SEC63: variants seen among roughly 807,000 people sequenced by gnomAD.
SEC63 encodes SEC63 protein translocation regulator, also known as translocation protein SEC63 homolog.
Under a neutral mutation model 116.2 loss-of-function variants are expected in SEC63, and 56 were observed. The observed-to-expected ratio is 0.48, with a 90% confidence interval of 0.39 to 0.60. SEC63 has a LOEUF of 0.60. SEC63 is among the 20% of genes least tolerant of loss of function. The pLI is 0.00. For synonymous variants in SEC63, 273 were observed against 294.6 expected (o/e 0.93, Z 0.75); for missense variants, 668 against 900.0 (o/e 0.74, Z 3.30).
In SEC63 at chr6:107,876,051, A is replaced by C. The variant is rs188940119; in HGVS notation, c.2034+513T>G. 7.7e-4 allele frequency among the ~76,000 whole-genome samples: 118 copies of C among 152,300 alleles called. No homozygotes were observed. The Middle Eastern group carries it at 0.024, about 31-fold the overall frequency. On this transcript the variant is annotated intron_variant, in intron 19 of 20. Coordinates refer to ENST00000369002, the MANE Select transcript of SEC63 (RefSeq NM_007214.5). ...GCAGACAGAACCTTCTTCCTAGAAA[A>C]AAAACACACACACAAAAAAAACATG... is the stretch of plus-strand genomic sequence containing the variant.
Position 107,871,403 on chromosome 6 carries a change from G to C in SEC63, c.*301C>G. The C allele has an allele frequency of 5.1e-6, 2 of 394,572 alleles. No individual in the cohort carries two copies. Among genetic ancestry groups the C allele is most frequent in the Non-Finnish European group, 9.6e-6 (2 of 208,484 alleles). 24.4% of individuals were successfully genotyped at this position (394,572 alleles called of 1,614,324 possible). The stretch of plus-strand genomic sequence containing the variant: ...CATCTTTACTTTTACTGGGACCATA[G>C]ACTGATCAGATAATACATAGCCCAC... On this transcript the variant is annotated 3_prime_UTR_variant, in exon 21 of 21. Transcript: ENST00000369002.
chr6:107,923,950 A>G (rs570888092), intron 3 of SEC63, among the ~76,000 whole-genome samples: 2 of 152,298 alleles, frequency 1.3e-5, no homozygotes, highest in Admixed American at 1.3e-4. Context: ...GCATTAACCA[A>G]TATTACAGAT....
At chr6:107,900,106 G>C (rs538830655) in intron 13 of SEC63, among the ~76,000 whole-genome samples, 2 of 152,088 alleles carry the variant, frequency 1.3e-5, no homozygotes, top group South Asian at 2.1e-4. Context: ...TAAATAAATG[G>C]TACAATGTCT....
chr6:107,921,912 G>GGGA lies in SEC63; in HGVS notation c.340-4_340-3insTCC. On this transcript the variant is annotated splice_region_variant and splice_polypyrimidine_tract_variant and intron_variant, in intron 3 of 20. Coordinates refer to ENST00000369002, the MANE Select transcript of SEC63 (RefSeq NM_007214.5). ...TTAATTTCTGCTACTGTGGCTCCCT[G>GGGA]GGGAAAAACAAAAAAAAAAAACAAG... is the stretch of plus-strand genomic sequence containing the variant. 2.3e-6 allele frequency: 3 copies of GGGA among 1,294,328 alleles called. No homozygotes were observed. Among genetic ancestry groups the GGGA allele is most frequent in the Non-Finnish European group, 2.1e-6 (2 of 970,686 alleles). The allele number at this position is 1,294,328 out of a possible 1,614,324, so 80.2% of individuals were successfully genotyped here. A position where few individuals can be genotyped will look rare whatever the true frequency, so the allele number is the denominator to read the frequency against.
At chr6:107,943,411 C>T (rs1005459921) in intron 1 of SEC63, among the ~76,000 whole-genome samples, 2 of 152,168 alleles carry the variant, frequency 1.3e-5, no homozygotes, top group African/African-American at 4.8e-5. Flanking sequence ...GCATTTATAA[C>T]ATACCTTTTT....
chr6:107,936,446 T>G (rs1431913516), intron 1 of SEC63, among the ~76,000 whole-genome samples: 3 of 152,218 alleles, frequency 2.0e-5, no homozygotes, highest in Non-Finnish European at 2.9e-5. Flanking sequence ...ATAAGACACT[T>G]AACAGAATAA....
At chr6:107,899,270 A>G (rs1379984826) in intron 13 of SEC63, among the ~76,000 whole-genome samples, 1 of 152,204 alleles carries the variant, frequency 6.6e-6, no homozygotes, top group Non-Finnish European at 1.5e-5. Flanking sequence ...CACTATTATT[A>G]CATAATTAGG....
In SEC63 at chr6:107,871,147, G is replaced by C. The variant is rs1786123503; in HGVS notation, c.*557C>G. The stretch of plus-strand genomic sequence containing the variant: ...AAAACGTAGCCCTCTATATCATGTG[G>C]AATGTGAGAGAATGCCAACTTATGA... On this transcript the variant is annotated 3_prime_UTR_variant, in exon 21 of 21. Transcript: ENST00000369002. 1 of 159,282 alleles carries C rather than the reference G, an allele frequency of 6.3e-6. No homozygotes were observed. The highest frequency in any genetic ancestry group is 2.4e-5 in the African/African-American group (1 of 41,484). 9.9% of individuals were successfully genotyped at this position (159,282 alleles called of 1,614,324 possible). A position where few individuals can be genotyped will look rare whatever the true frequency, so the allele number is the denominator to read the frequency against.
intron 2 of SEC63, 51 bp downstream of exon 2, chr6:107,929,364 T>G (rs372199168): frequency 4.4e-6 from 4 of 915,498 alleles, no homozygotes; most frequent in Non-Finnish European, 7.3e-6. Context: ...TTGTATGACC[T>G]AGCAAAGAGT....
At chr6:107,887,834 A>C (rs1369582285) in intron 16 of SEC63, among the ~76,000 whole-genome samples, 10 of 152,178 alleles carry the variant, frequency 6.6e-5, no homozygotes, top group Non-Finnish European at 1.3e-4. Context: ...TCCCAATACC[A>C]TTTATTAAAT....
chr6:107,912,584 C>T, intron 6 of SEC63, 132 bp downstream of exon 6: 1 of 700,188 alleles, frequency 1.4e-6, no homozygotes, highest in Non-Finnish European at 2.6e-6. Flanking sequence ...GACTCTGTCT[C>T]AAATGAATGA....
chr6:107,946,869 T>C (rs1355757130), intron 1 of SEC63, among the ~76,000 whole-genome samples: 3 of 152,050 alleles, frequency 2.0e-5, no homozygotes, highest in African/African-American at 7.2e-5. Flanking sequence ...CCAGGCGTGG[T>C]GGTGGGCTCC....
chr6:107,912,995 G>A (rs1365501739), intron 5 of SEC63, among the ~76,000 whole-genome samples: 3 of 152,052 alleles, frequency 2.0e-5, no homozygotes, highest in East Asian at 1.9e-4. Flanking sequence ...AAGAAACCCT[G>A]TAAGTACAAA....
At chr6:107,934,949 G>C in intron 1 of SEC63, among the ~76,000 whole-genome samples, 1 of 86,334 alleles carries the variant, frequency 1.2e-5, no homozygotes, top group East Asian at 3.4e-4. Flanking sequence ...AGGTGGGGGG[G>C]TCAGCCCCCT....
chr6:107,883,161 C>T lies in SEC63; in HGVS notation c.1675-15G>A, dbSNP rs886060954. On this transcript the variant is annotated splice_polypyrimidine_tract_variant and intron_variant, in intron 16 of 20. Transcript: ENST00000369002. ...ACTGCAGCTTCCTAAAAGGGAAAGG[C>T]AAACACAAAGATTCTGCATATCTCA... The T allele has an allele frequency of 1.2e-6, 2 of 1,610,546 alleles. No individual in the cohort carries two copies. Among genetic ancestry groups the T allele is most frequent in the Non-Finnish European group, 1.7e-6 (2 of 1,179,578 alleles).
At chr6:107,909,883 G>A (rs1464831305) in intron 7 of SEC63, among the ~76,000 whole-genome samples, 1 of 152,096 alleles carries the variant, frequency 6.6e-6, no homozygotes, top group African/African-American at 2.4e-5. Context: ...AGTCACAAAA[G>A]TAACAAATGG....
rs920258361 is a variant in SEC63 at position 107,906,877 on chromosome 6, A to G, written c.734-100T>C. 3.5e-6 allele frequency: 3 copies of G among 863,534 alleles called. No homozygotes were observed. In the African/African-American group the frequency reaches 5.0e-5, roughly 14 times the overall value. The allele number at this position is 863,534 out of a possible 1,614,324, so 53.5% of individuals were successfully genotyped here. ...CACTTGAAAGTGAAGCACTTTTCTAAACATGCACAATGCTAAAAATTATCT... is the reference window on the plus strand; with the variant it reads ...CACTTGAAAGTGAAGCACTTTTCTAGACATGCACAATGCTAAAAATTATCT... On this transcript the variant is annotated intron_variant, in intron 8 of 20. Transcript: ENST00000369002.
chr6:107,935,196 C>G (rs1316678294), intron 1 of SEC63, among the ~76,000 whole-genome samples: 1 of 149,604 alleles, frequency 6.7e-6, no homozygotes, highest in African/African-American at 2.5e-5. Context: ...CCCGGCCAGC[C>G]GCCCGTCTGG....
intron 4 of SEC63, among the ~76,000 whole-genome samples, 156 bp from the exon 5 acceptor site, chr6:107,913,583 G>C (rs1015773336): frequency 2.0e-5 from 3 of 152,182 alleles, no homozygotes; most frequent in African/African-American, 2.4e-5. Context: ...GAAAGGGAAA[G>C]GGAGGAGCAA....
Sources: gnomAD v4.1 joint callset for allele counts (sites outside exome capture counted in the v4.1 genomes callset) on GRCh38, gnomAD v4.1.1 for gene constraint, MANE v1.5 for transcripts, NCBI Gene and HGNC (gene_info 2026-07-23, HGNC 2026-07-21) for gene names.